GRM7: variants seen among roughly 807,000 people sequenced by gnomAD.
GRM7 encodes the protein metabotropic glutamate receptor 7.
Under a neutral mutation model 84.5 loss-of-function variants are expected in GRM7, and 35 were observed. That is an observed-to-expected ratio of 0.41 (90% CI 0.32 to 0.55). GRM7 has a LOEUF of 0.55. Among genes scored for constraint, GRM7 ranks in the 20% least tolerant of loss-of-function variants. The pLI, the probability that GRM7 is intolerant of heterozygous loss-of-function variation, is 0.19. For synonymous variants in GRM7, 487 were observed against 455.1 expected, an observed-to-expected ratio of 1.07 and a Z score of -0.89; for missense variants, 1,003 against 1,194.6, an observed-to-expected ratio of 0.84 and a Z score of 2.36.
Position 7,631,851 on chromosome 3 carries a change from A to T in GRM7, c.2452-48198A>T, listed in dbSNP as rs140485085. ...TAGGCCGTAATACAGAGAAACTAAC[A>T]AACAGAATGTGTGTGTCTGTGTGTG... On this transcript the variant is annotated intron_variant, in intron 8 of 9. Coordinates refer to ENST00000357716, the MANE Select transcript of GRM7 (RefSeq NM_000844.4). Among the ~76,000 whole-genome samples the T allele has an allele frequency of 7.2e-4, 110 of 152,292 alleles. 1 individual carries two copies. In the East Asian group the frequency reaches 0.021, roughly 29 times the overall value.
Position 7,296,755 on chromosome 3 carries a change from C to T in GRM7, c.737-1929C>T, listed in dbSNP as rs904827927. ...CTAAATAGGGTCATTTGTTAGTTCT[C>T]CCTTTTTGTCTCAGTCTACATTTCA... On this transcript the variant is annotated intron_variant, in intron 2 of 9. Transcript: ENST00000357716. Among the ~76,000 whole-genome samples the T allele has an allele frequency of 3.3e-5, 5 of 151,782 alleles. No homozygotes were observed. The South Asian group carries it at 1.0e-3, about 32-fold the overall frequency.
chr3:7,696,601 C>CTT (rs1391194551), intron 9 of GRM7, among the ~76,000 whole-genome samples: 1 of 152,174 alleles, frequency 6.6e-6, no homozygotes, highest in Non-Finnish European at 1.5e-5. Context: ...CTTCCAAGCA[C>CTT]TTTTCACTTG....
chr3:6,977,301 A>G (rs1694037965), intron 1 of GRM7, among the ~76,000 whole-genome samples: 1 of 152,076 alleles, frequency 6.6e-6, no homozygotes, highest in African/African-American at 2.4e-5. Flanking sequence ...GATATCCTGT[A>G]TTGAGACACT....
intron 7 of GRM7, among the ~76,000 whole-genome samples, chr3:7,483,911 A>G (rs1643312412): frequency 6.6e-6 from 1 of 152,140 alleles, no homozygotes; most frequent in African/African-American, 2.4e-5. Flanking sequence ...ACTCTACATG[A>G]TTTATCACAT....
In GRM7 at chr3:6,861,964, C is replaced by A; in HGVS notation, c.519+57C>A. The A allele has an allele frequency of 6.8e-7, 1 of 1,466,344 alleles. No homozygotes were observed. Among genetic ancestry groups the A allele is most frequent in the Non-Finnish European group, 9.3e-7 (1 of 1,073,734 alleles). The allele number at this position is 1,466,344 out of a possible 1,614,324, so 90.8% of individuals were successfully genotyped here. A position where few individuals can be genotyped will look rare whatever the true frequency, so the allele number is the denominator to read the frequency against. On this transcript the variant is annotated intron_variant, in intron 1 of 9. Transcript: ENST00000357716. The surrounding 1 kb of genome is among the most constrained non-coding windows in gnomAD (Gnocchi z 6.4). ...ACAGTGGCTACCTGCGCCCTTAACC[C>A]TAAAAGCTGGCTTGGACTCCGGTGG... is the stretch of plus-strand genomic sequence containing the variant.
chr3:6,916,587 G>C (rs978020435), intron 1 of GRM7, among the ~76,000 whole-genome samples: 1 of 152,092 alleles, frequency 6.6e-6, no homozygotes, highest in African/African-American at 2.4e-5. Flanking sequence ...GGCATCTTGG[G>C]CACCTTCTAT....
At chr3:7,154,118 A>G (rs368289623) in intron 2 of GRM7, among the ~76,000 whole-genome samples, 8 of 152,324 alleles carry the variant, frequency 5.3e-5, no homozygotes, top group African/African-American at 1.7e-4. Context: ...AATTAATGTG[A>G]TGGAAAATTG....
chr3:7,568,101 T>A (rs1248341523), intron 7 of GRM7, among the ~76,000 whole-genome samples: 3 of 152,208 alleles, frequency 2.0e-5, no homozygotes, highest in Non-Finnish European at 4.4e-5. Context: ...CTTCCTTAAT[T>A]GCTGGTGGCA....
intron 8 of GRM7, among the ~76,000 whole-genome samples, chr3:7,650,900 G>T (rs1698904259): frequency 6.6e-6 from 1 of 152,134 alleles, no homozygotes; most frequent in African/African-American, 2.4e-5. Flanking sequence ...TTCTAAAAAA[G>T]AAAGAGTCAG....
intron 8 of GRM7, among the ~76,000 whole-genome samples, chr3:7,617,376 G>A (rs898525662): frequency 2.0e-5 from 3 of 152,078 alleles, no homozygotes; most frequent in Admixed American, 1.3e-4. Context: ...ATCCATTATG[G>A]AAGAGAGAAA....
At chr3:7,573,414 C>G (rs1322798063) in intron 7 of GRM7, among the ~76,000 whole-genome samples, 3 of 151,892 alleles carry the variant, frequency 2.0e-5, no homozygotes, top group African/African-American at 7.3e-5. Context: ...GAAAAATATC[C>G]CTGAAGTGAT....
chr3:7,263,282 G>T (rs1275362340), intron 2 of GRM7, among the ~76,000 whole-genome samples: 2 of 152,140 alleles, frequency 1.3e-5, no homozygotes, highest in African/African-American at 2.4e-5. Context: ...CTCAAGGTTG[G>T]TATAACCTGC....
chr3:7,565,912 A>G (rs1694233724), intron 7 of GRM7, among the ~76,000 whole-genome samples: 1 of 152,212 alleles, frequency 6.6e-6, no homozygotes, highest in African/African-American at 2.4e-5. Context: ...AGTACTGCAC[A>G]TATAGCTTTT....
At chr3:6,876,212 G>A (rs1020214299) in intron 1 of GRM7, among the ~76,000 whole-genome samples, 18 of 151,760 alleles carry the variant, frequency 1.2e-4, no homozygotes, top group Non-Finnish European at 2.2e-4. Flanking sequence ...CGGTAGCAAT[G>A]AGCCGAGATC....
At chr3:7,586,181 T>C (rs372375106) in intron 8 of GRM7, among the ~76,000 whole-genome samples, 1 of 152,206 alleles carries the variant, frequency 6.6e-6, no homozygotes, top group Non-Finnish European at 1.5e-5. Flanking sequence ...TGATGCAAGA[T>C]GCTAATGAGG....
chr3:7,242,339 G>A (rs966271025), intron 2 of GRM7, among the ~76,000 whole-genome samples: 2 of 152,130 alleles, frequency 1.3e-5, no homozygotes, highest in African/African-American at 4.8e-5. Context: ...AACCCATTTG[G>A]TTCATCAGAA....
chr3:7,165,210 A>G (rs1694760540), intron 2 of GRM7, among the ~76,000 whole-genome samples: 1 of 152,182 alleles, frequency 6.6e-6, no homozygotes. Flanking sequence ...TAACCACCCC[A>G]TGGCGCATCC....
At chr3:7,106,338 C>T (rs1240086747) in intron 1 of GRM7, among the ~76,000 whole-genome samples, 1 of 150,172 alleles carries the variant, frequency 6.7e-6, no homozygotes, top group Non-Finnish European at 1.5e-5. Context: ...AGTATGCAGC[C>T]TTTTTTTTTC....
intron 4 of GRM7, among the ~76,000 whole-genome samples, chr3:7,375,381 G>C (rs980910388): frequency 1.3e-5 from 2 of 151,820 alleles, no homozygotes; most frequent in African/African-American, 4.8e-5. Context: ...TCCATGCCCC[G>C]CTAATTTTTG....
Sources: gnomAD v4.1 joint callset for allele counts (sites outside exome capture counted in the v4.1 genomes callset) on GRCh38, gnomAD v4.1.1 for gene constraint, Gnocchi (gnomAD v3.1) non-coding constraint, MANE v1.5 for transcripts, NCBI Gene and HGNC (gene_info 2026-07-23, HGNC 2026-07-21) for gene names.